The following SNTB1 variants were observed in gnomAD, a reference collection of about 807,000 sequenced individuals.
SNTB1 encodes beta-1-syntrophin.
A neutral mutation model predicts 48.9 loss-of-function variants in SNTB1; 36 were observed. The observed-to-expected ratio is 0.74, with a 90% CI of 0.56 to 0.97. The LOEUF (loss-of-function observed/expected upper bound fraction) is 0.97, where lower values mean the gene tolerates loss of function less well. SNTB1 is among the 50% of genes least tolerant of loss of function. The pLI, the probability that SNTB1 is intolerant of heterozygous loss-of-function variation, is 0.00. For synonymous variants in SNTB1, 299 were observed against 294.6 expected (o/e 1.01, Z -0.15); for missense variants, 786 against 703.4 (o/e 1.12, Z -1.33).
chr8:120,679,244 A>C (rs2129812084), intron 2 of SNTB1, among the ~76,000 whole-genome samples: 2 of 152,364 alleles, frequency 1.3e-5, no homozygotes, highest in South Asian at 4.1e-4. Context: ...AGTGATTTCT[A>C]TATACCATTC....
chr8:120,697,050 G>C (rs888557739), intron 1 of SNTB1, among the ~76,000 whole-genome samples: 6 of 152,198 alleles, frequency 3.9e-5, no homozygotes, highest in Non-Finnish European at 7.3e-5. Flanking sequence ...CAGGGCCATA[G>C]GGGTTAATGT....
intron 1 of SNTB1, among the ~76,000 whole-genome samples, chr8:120,756,210 A>C (rs945985068): frequency 6.6e-6 from 1 of 152,282 alleles, no homozygotes; most frequent in Non-Finnish European, 1.5e-5. Context: ...CACTTAATAC[A>C]ACTGACATTA....
intron 5 of SNTB1, among the ~76,000 whole-genome samples, chr8:120,545,082 G>A (rs539198271): frequency 1.3e-5 from 2 of 152,262 alleles, no homozygotes; most frequent in African/African-American, 4.8e-5. Context: ...AGTGGCTCAT[G>A]CCTGTAATCC....
intron 2 of SNTB1, among the ~76,000 whole-genome samples, chr8:120,656,000 G>C (rs1299371265): frequency 1.3e-5 from 2 of 152,176 alleles, no homozygotes; most frequent in African/African-American, 2.4e-5. Flanking sequence ...GACAACAGGG[G>C]TATTTTCCCT....
At chr8:120,625,474 A>G (rs1816858785) in intron 3 of SNTB1, among the ~76,000 whole-genome samples, 1 of 152,252 alleles carries the variant, frequency 6.6e-6, no homozygotes, top group Admixed American at 6.5e-5. Flanking sequence ...GCATGCAGAA[A>G]AGTGGGCATA....
At chr8:120,712,383 C>A (rs1818477779) in intron 1 of SNTB1, among the ~76,000 whole-genome samples, 1 of 148,552 alleles carries the variant, frequency 6.7e-6, no homozygotes, top group African/African-American at 2.5e-5. Flanking sequence ...CCACTGCACT[C>A]CAGCCCTGGT....
At chr8:120,794,106 G>A (rs1820082428) in intron 1 of SNTB1, among the ~76,000 whole-genome samples, 1 of 151,976 alleles carries the variant, frequency 6.6e-6, no homozygotes, top group African/African-American at 2.4e-5. Flanking sequence ...CAAACTGAAG[G>A]AATGGGCAGA....
In SNTB1 at chr8:120,712,353, T is replaced by C. The variant is rs141977251; in HGVS notation, c.572-18445A>G. On this transcript the variant is annotated intron_variant, in intron 1 of 6. Coordinates refer to ENST00000517992, the MANE Select transcript of SNTB1 (RefSeq NM_021021.4). ...TGGCATGAACCTGGGAGGCGCAGCT[T>C]GCAGTGAGCCGAGATCACACCACTG... Among the ~76,000 whole-genome samples, 15 of 143,738 alleles carry C rather than the reference T, an allele frequency of 1.0e-4. No individual in the cohort carries two copies. The East Asian group carries it at 3.1e-3, about 30-fold the overall frequency. The allele number at this position is 143,738 out of a possible 152,430, so 94.3% of individuals were successfully genotyped here.
chr8:120,567,285 A>G (rs1815768133), intron 4 of SNTB1, among the ~76,000 whole-genome samples: 1 of 152,190 alleles, frequency 6.6e-6, no homozygotes, highest in African/African-American at 2.4e-5. Context: ...GAAGACCTGA[A>G]TCTTAATAAA....
At chr8:120,730,044 T>C (rs868335329) in intron 1 of SNTB1, among the ~76,000 whole-genome samples, 2 of 152,250 alleles carry the variant, frequency 1.3e-5, no homozygotes, top group South Asian at 2.1e-4. Context: ...CCGTTAGTGA[T>C]GTCCCACACA....
At chr8:120,560,056 G>A (rs1815627110) in intron 4 of SNTB1, among the ~76,000 whole-genome samples, 1 of 152,174 alleles carries the variant, frequency 6.6e-6, no homozygotes, top group African/African-American at 2.4e-5. Context: ...GGAAAGAAAT[G>A]AGGGTCAAAG....
chr8:120,658,239 C>T (rs532299083), intron 2 of SNTB1, among the ~76,000 whole-genome samples: 136 of 152,262 alleles, frequency 8.9e-4, no homozygotes, highest in African/African-American at 3.2e-3. Flanking sequence ...TTAACAGGAA[C>T]TATCAGTAGC....
chr8:120,679,859 A>ATTT (rs33973623), intron 2 of SNTB1, among the ~76,000 whole-genome samples: 27,543 of 149,674 alleles, frequency 0.18, 5,074 homozygotes, highest in African/African-American at 0.48. Flanking sequence ...CTCTTGAGAT[A>ATTT]TTTTTTTTTT....
At chr8:120,623,389 G>A (rs372793549) in intron 3 of SNTB1, among the ~76,000 whole-genome samples, 1 of 152,198 alleles carries the variant, frequency 6.6e-6, no homozygotes, top group African/African-American at 2.4e-5. Flanking sequence ...CAGCTACACT[G>A]CACCTAGTCC....
intron 1 of SNTB1, among the ~76,000 whole-genome samples, chr8:120,797,237 C>T (rs991087531): frequency 2.6e-5 from 4 of 151,970 alleles, no homozygotes; most frequent in Admixed American, 6.6e-5. Context: ...AGAGAATACA[C>T]GTTCTAACAA....
intron 2 of SNTB1, among the ~76,000 whole-genome samples, chr8:120,654,430 C>G (rs563023191): frequency 6.6e-6 from 1 of 152,230 alleles, no homozygotes; most frequent in Non-Finnish European, 1.5e-5. Context: ...TTGTGTTTAT[C>G]TGTAGTTCAG....
At chr8:120,612,749 C>A (rs569104490) in intron 3 of SNTB1, among the ~76,000 whole-genome samples, 1 of 152,276 alleles carries the variant, frequency 6.6e-6, no homozygotes, top group Non-Finnish European at 1.5e-5. Flanking sequence ...GACAAAAGTA[C>A]AGCTGGCCAT....
At chr8:120,766,787 A>G (rs774250981) in intron 1 of SNTB1, among the ~76,000 whole-genome samples, 1 of 152,216 alleles carries the variant, frequency 6.6e-6, no homozygotes, top group African/African-American at 2.4e-5. Context: ...TTTATGTTTT[A>G]ATAGAAAAAT....
At chr8:120,641,662 C>T (rs13265370) in intron 2 of SNTB1, among the ~76,000 whole-genome samples, 56,634 of 152,012 alleles carry the variant, frequency 0.37, 12,359 homozygotes, top group Non-Finnish European at 0.49. Context: ...AACATACAGA[C>T]GGAAAAGTTC....
Sources: gnomAD v4.1 joint callset for allele counts (sites outside exome capture counted in the v4.1 genomes callset) on GRCh38, gnomAD v4.1.1 for gene constraint, MANE v1.5 for transcripts, NCBI Gene and HGNC (gene_info 2026-07-23, HGNC 2026-07-21) for gene names.